The following CDH12 variants were observed in gnomAD, a reference collection of about 807,000 sequenced individuals.
CDH12 encodes the protein cadherin-12.
Under a neutral mutation model 74.1 loss-of-function variants are expected in CDH12, and 41 were observed. That is an observed-to-expected ratio of 0.55 (90% CI 0.43 to 0.72). CDH12 has a LOEUF of 0.72. CDH12 is among the 30% of genes least tolerant of loss of function. The pLI, the probability that CDH12 is intolerant of heterozygous loss-of-function variation, is 0.00. For synonymous variants in CDH12, 399 were observed against 355.0 expected, an observed-to-expected ratio of 1.12 and a Z score of -1.39; for missense variants, 945 against 977.2, an observed-to-expected ratio of 0.97 and a Z score of 0.44.
At chr5:22,614,334 C>T (rs191886288) in intron 1 of CDH12, among the ~76,000 whole-genome samples, 172 of 152,198 alleles carry the variant, frequency 1.1e-3, no homozygotes, top group Middle Eastern at 6.8e-3. Context: ...ATTGCACGCT[C>T]TGGGTAAATG....
chr5:22,727,138 GGT>G (rs1332955531), intron 1 of CDH12, among the ~76,000 whole-genome samples: 1 of 151,584 alleles, frequency 6.6e-6, no homozygotes, highest in Non-Finnish European at 1.5e-5. Context: ...ACCTTTATTG[GGT>G]GTGTGACTAA....
intron 1 of CDH12, among the ~76,000 whole-genome samples, chr5:22,796,610 C>T (rs1022838372): frequency 9.8e-6 from 1 of 102,252 alleles, no homozygotes; most frequent in African/African-American, 4.9e-5. Context: ...AGCTCCGCCT[C>T]CCGGGTTCAC....
rs548833692 is a variant in CDH12, at chr5:22,049,016, T to C, written c.231+29430A>G. Among the ~76,000 whole-genome samples, 10 of 152,212 alleles carry C rather than the reference T, an allele frequency of 6.6e-5. No individual in the cohort carries two copies. In the South Asian group the frequency reaches 1.7e-3, roughly 25 times the overall value. Reference sequence around the variant, plus strand: ...GAGTTATACATTATAAAGTATATAATTTATAGTTTGTTGCTTATATTTATG... The same window carrying C: ...GAGTTATACATTATAAAGTATATAACTTATAGTTTGTTGCTTATATTTATG... On this transcript the variant is annotated intron_variant, in intron 5 of 14. Coordinates refer to ENST00000382254, the MANE Select transcript of CDH12 (RefSeq NM_004061.5).
At chr5:22,585,699 G>A (rs914674172) in intron 1 of CDH12, among the ~76,000 whole-genome samples, 2 of 151,684 alleles carry the variant, frequency 1.3e-5, no homozygotes, top group Admixed American at 6.6e-5. Flanking sequence ...CCTTAAACCC[G>A]TCCAGTGACA....
intron 4 of CDH12, among the ~76,000 whole-genome samples, chr5:22,194,574 C>T (rs534969395): frequency 4.6e-5 from 7 of 152,114 alleles, no homozygotes; most frequent in South Asian, 4.2e-4. Flanking sequence ...TCAAGAGATC[C>T]GCCCAGCTCA....
At chr5:22,660,130 G>A (rs1740268709) in intron 1 of CDH12, among the ~76,000 whole-genome samples, 2 of 152,146 alleles carry the variant, frequency 1.3e-5, no homozygotes, top group African/African-American at 4.8e-5. Flanking sequence ...AAAGCATGGA[G>A]ATATTTGGAG....
At chr5:22,811,389 C>T (rs753795503) in intron 1 of CDH12, among the ~76,000 whole-genome samples, 13 of 152,078 alleles carry the variant, frequency 8.5e-5, no homozygotes, top group Non-Finnish European at 1.9e-4. Flanking sequence ...AGAACCTAGG[C>T]CCCTAAGCAG....
chr5:22,779,437 T>C (rs1229657602), intron 1 of CDH12, among the ~76,000 whole-genome samples: 1 of 152,192 alleles, frequency 6.6e-6, no homozygotes, highest in Non-Finnish European at 1.5e-5. Flanking sequence ...AATTCTAAGC[T>C]ACCTATTGGA....
chr5:22,809,881 T>C (rs1212288850), intron 1 of CDH12, among the ~76,000 whole-genome samples: 2 of 152,138 alleles, frequency 1.3e-5, no homozygotes, highest in East Asian at 1.9e-4. Context: ...TAAAATGTTA[T>C]ATGAAAAGTT....
At chr5:22,642,397 T>C (rs911538755) in intron 1 of CDH12, among the ~76,000 whole-genome samples, 4 of 152,166 alleles carry the variant, frequency 2.6e-5, no homozygotes, top group Non-Finnish European at 4.4e-5. Context: ...TTGGTCTGAT[T>C]GGCTGTGATT....
chr5:22,792,385 G>A (rs145173833), intron 1 of CDH12, among the ~76,000 whole-genome samples: 1 of 152,100 alleles, frequency 6.6e-6, no homozygotes, highest in Admixed American at 6.5e-5. Context: ...CACCACGCCC[G>A]GCCTGAGCTC....
At chr5:22,108,236 C>T (rs545492955) in intron 4 of CDH12, among the ~76,000 whole-genome samples, 1 of 152,268 alleles carries the variant, frequency 6.6e-6, no homozygotes, top group Non-Finnish European at 1.5e-5. Flanking sequence ...CTGCACAAGC[C>T]TTCTTGCGGG....
At chr5:22,149,160 C>T (rs1320433337) in intron 4 of CDH12, among the ~76,000 whole-genome samples, 1 of 152,032 alleles carries the variant, frequency 6.6e-6, no homozygotes, top group South Asian at 2.1e-4. Flanking sequence ...AATTTAGCTC[C>T]CACCTTAACT....
chr5:21,847,506 A>T (rs371148913), intron 7 of CDH12, among the ~76,000 whole-genome samples: 1 of 151,902 alleles, frequency 6.6e-6, no homozygotes, highest in Non-Finnish European at 1.5e-5. Flanking sequence ...CAATGGCAGC[A>T]CTCCCTGGCT....
chr5:22,787,006 T>C (rs1330511622), intron 1 of CDH12, among the ~76,000 whole-genome samples: 1 of 152,020 alleles, frequency 6.6e-6, no homozygotes, highest in Non-Finnish European at 1.5e-5. Flanking sequence ...TTTTGATTAA[T>C]TAATTTATTA....
intron 4 of CDH12, among the ~76,000 whole-genome samples, chr5:22,176,558 C>T (rs565067343): frequency 4.6e-4 from 70 of 152,144 alleles, no homozygotes; most frequent in African/African-American, 1.7e-3. Context: ...TTATCTATTC[C>T]AATAGCAGAG....
intron 4 of CDH12, among the ~76,000 whole-genome samples, chr5:22,089,958 T>C (rs537011247): frequency 4.0e-4 from 61 of 151,738 alleles, no homozygotes; most frequent in Admixed American, 2.2e-3. Flanking sequence ...ATTTAAAAAT[T>C]CTCAAATCAA....
chr5:22,499,365 T>A (rs1251610680), intron 2 of CDH12, among the ~76,000 whole-genome samples: 1 of 152,192 alleles, frequency 6.6e-6, no homozygotes, highest in Non-Finnish European at 1.5e-5. Context: ...TTTCCCCATA[T>A]ATTTATCTTA....
chr5:22,191,766 G>A (rs745756215), intron 4 of CDH12, among the ~76,000 whole-genome samples: 6 of 151,166 alleles, frequency 4.0e-5, no homozygotes, highest in African/African-American at 7.3e-5. Context: ...GGGTTTCACC[G>A]TTTTAGCCGG....
Sources: gnomAD v4.1 joint callset for allele counts (sites outside exome capture counted in the v4.1 genomes callset) on GRCh38, gnomAD v4.1.1 for gene constraint, MANE v1.5 for transcripts, NCBI Gene and HGNC (gene_info 2026-07-23, HGNC 2026-07-21) for gene names.